Variants in ZNF469 observed in about 807,000 individuals in gnomAD.
ZNF469 encodes the protein zinc finger protein 469.
A neutral mutation model predicts 1.0 loss-of-function variants in ZNF469; 1 was observed. That is an observed-to-expected ratio of 1.00 (90% CI 0.35 to 4.73). ZNF469 has a LOEUF of 4.73. Among genes scored for constraint, ZNF469 ranks in the 30% most tolerant of loss-of-function variants. The pLI is 0.16. For missense variants in ZNF469, 6,100 were observed against 5,356.3 expected (o/e 1.14, Z -4.33); for synonymous variants, 2,703 against 2,363.4 (o/e 1.14, Z -4.17).
the ZNF469 span, among the ~76,000 whole-genome samples, chr16:88,364,701 C>T: frequency 7.2e-5 from 11 of 152,278 alleles, no homozygotes; most frequent in South Asian, 2.1e-4. Flanking sequence ...CAGTGAGTCA[C>T]GCCAGTAATC....
At chr16:88,396,932 C>CA (rs1567500214) in intron 1 of ZNF469, among the ~76,000 whole-genome samples, 1,988 of 51,494 alleles carry the variant, frequency 0.039, 1 homozygote, top group African/African-American at 0.048. Flanking sequence ...GGAGACCCGT[C>CA]TGAAGGGAGG....
intron 1 of ZNF469, among the ~76,000 whole-genome samples, chr16:88,395,413 A>G (rs932018626): frequency 2.6e-5 from 4 of 152,172 alleles, no homozygotes; most frequent in African/African-American, 9.7e-5. Flanking sequence ...AGAAAGATAC[A>G]CACATATATA....
chr16:88,323,243 C>T, the ZNF469 span, among the ~76,000 whole-genome samples: 1 of 152,140 alleles, frequency 6.6e-6, no homozygotes, highest in African/African-American at 2.4e-5. Flanking sequence ...GCCCCGGAGG[C>T]CTTGGTGGTG....
At chr16:88,124,068 G>A in the ZNF469 span, among the ~76,000 whole-genome samples, 1 of 152,208 alleles carries the variant, frequency 6.6e-6, no homozygotes, top group Non-Finnish European at 1.5e-5. Context: ...CTCCCAAAGT[G>A]CTGGGATCAC....
At chr16:88,138,066 G>A in the ZNF469 span, among the ~76,000 whole-genome samples, 3 of 152,188 alleles carry the variant, frequency 2.0e-5, no homozygotes, top group Non-Finnish European at 2.9e-5. Flanking sequence ...CTCACTCAGT[G>A]TCTGTGACAT....
intron 1 of ZNF469, among the ~76,000 whole-genome samples, chr16:88,387,603 T>C (rs1167174972): frequency 1.3e-5 from 2 of 151,550 alleles, no homozygotes; most frequent in African/African-American, 4.9e-5. Flanking sequence ...CTGCCAGGAG[T>C]GAAGTGGTCT....
chr16:88,249,416 TCTTTTTCTTTTTC>T, the ZNF469 span, among the ~76,000 whole-genome samples: 1 of 92,742 alleles, frequency 1.1e-5, no homozygotes, highest in South Asian at 4.2e-4. Context: ...TCTTTTTCTT[TCTTTTTCTTTTTC>T]TTTTTTTTTT....
At chr16:88,230,032 C>T in the ZNF469 span, among the ~76,000 whole-genome samples, 1 of 152,254 alleles carries the variant, frequency 6.6e-6, no homozygotes, top group Non-Finnish European at 1.5e-5. Context: ...ATCCACTCTC[C>T]ATCGGGAAGG....
chr16:88,164,160 GAATGT>G, the ZNF469 span, among the ~76,000 whole-genome samples: 1 of 151,620 alleles, frequency 6.6e-6, no homozygotes, highest in Non-Finnish European at 1.5e-5. Flanking sequence ...GTAGATAGAT[GAATGT>G]ATGGATGGAT....
the ZNF469 span, among the ~76,000 whole-genome samples, chr16:88,271,775 C>G: frequency 6.6e-6 from 1 of 151,456 alleles, no homozygotes; most frequent in African/African-American, 2.4e-5. Flanking sequence ...GGCTGGGGCA[C>G]AGTGTCAGAT....
chr16:88,173,129 A>T, the ZNF469 span, among the ~76,000 whole-genome samples: 4 of 152,230 alleles, frequency 2.6e-5, no homozygotes, highest in Admixed American at 2.0e-4. Context: ...GATAAATCCC[A>T]TGTAGAATAA....
the ZNF469 span, among the ~76,000 whole-genome samples, chr16:88,189,646 A>C: frequency 6.6e-6 from 1 of 152,250 alleles, no homozygotes; most frequent in South Asian, 2.1e-4. This position sits in a 1 kb window ranked among gnomAD's most constrained non-coding sequence, Gnocchi z 4.3. Flanking sequence ...CAGGCTGGGC[A>C]CAGTGCCTCA....
At chr16:88,287,018 C>T in the ZNF469 span, among the ~76,000 whole-genome samples, 5 of 152,190 alleles carry the variant, frequency 3.3e-5, no homozygotes, top group Non-Finnish European at 5.9e-5. Flanking sequence ...TATTCTTTTG[C>T]TTTTATTTAC....
chr16:88,220,373 C>T, the ZNF469 span, among the ~76,000 whole-genome samples: 1 of 152,170 alleles, frequency 6.6e-6, no homozygotes, highest in Non-Finnish European at 1.5e-5. Flanking sequence ...TCATGGAGGC[C>T]TCAGATCTGC....
chr16:88,201,066 C>T, the ZNF469 span, among the ~76,000 whole-genome samples: 1 of 152,204 alleles, frequency 6.6e-6, no homozygotes, highest in Admixed American at 6.5e-5. The surrounding 1 kb of genome is among the most constrained non-coding windows in gnomAD (Gnocchi z 5.0). Context: ...CTCTGTGCCC[C>T]GGGGATCCTC....
At chr16:88,332,841 T>C in the ZNF469 span, among the ~76,000 whole-genome samples, 2 of 152,172 alleles carry the variant, frequency 1.3e-5, no homozygotes. Flanking sequence ...CTCCTCACCG[T>C]TTCACAGACG....
At chr16:88,191,532 ATACGAAAGGGC>A in the ZNF469 span, 2 of 152,316 alleles carry the variant, frequency 1.3e-5, no homozygotes, top group Non-Finnish European at 2.9e-5. Flanking sequence ...ACAGAAGAGA[ATACGAAAGGGC>A]TGAAGGGGAT....
chr16:88,343,086 G>A, the ZNF469 span, among the ~76,000 whole-genome samples: 2 of 152,254 alleles, frequency 1.3e-5, no homozygotes, highest in South Asian at 4.1e-4. Flanking sequence ...ACCCCTTGTG[G>A]TCCATAGGCA....
At chr16:88,275,765 G>A in the ZNF469 span, among the ~76,000 whole-genome samples, 2 of 152,232 alleles carry the variant, frequency 1.3e-5, no homozygotes, top group Non-Finnish European at 2.9e-5. Flanking sequence ...GTTAGGGAAG[G>A]AAGTGTGGGG....
Sources: allele counts gnomAD v4.1 joint callset (sites outside exome capture counted in the v4.1 genomes callset), GRCh38; gene constraint gnomAD v4.1.1; non-coding constraint Gnocchi (gnomAD v3.1); transcripts MANE v1.5; gene names NCBI Gene and HGNC (gene_info 2026-07-23, HGNC 2026-07-21).